CYP19A1: variants seen among roughly 807,000 people sequenced by gnomAD.
CYP19A1 encodes aromatase.
A neutral mutation model predicts 44.4 loss-of-function variants in CYP19A1; 32 were observed. The ratio of observed to expected loss-of-function variants is 0.72; its 90% CI spans 0.54 to 0.97. The LOEUF is 0.97. CYP19A1 is among the 50% of genes least tolerant of loss of function. The probability of loss-of-function intolerance (pLI) is 0.00; values close to 1 mark genes in which losing one functional copy is unlikely to be tolerated. For missense variants in CYP19A1, 598 were observed against 637.8 expected, an observed-to-expected ratio of 0.94 and a Z score of 0.67; for synonymous variants, 212 against 215.6, an observed-to-expected ratio of 0.98 and a Z score of 0.14.
rs138216497 is a variant in CYP19A1 at position 51,237,308 on chromosome 15, C to A, written c.146-299G>T. On this transcript the variant is annotated intron_variant, in intron 2 of 9. Coordinates refer to ENST00000396402, the MANE Select transcript of CYP19A1 (RefSeq NM_000103.4). ...TGGGGTGTGTGTGCTAATTTCTTCC[C>A]AGGTTAACTGGTATCAGTGAGTTTC... 5.3e-5 allele frequency among the ~76,000 whole-genome samples: 8 copies of A among 152,264 alleles called. No homozygotes were observed. The East Asian group carries it at 1.5e-3, about 29-fold the overall frequency.
At chr15:51,258,200 G>T (rs762652572) in intron 1 of CYP19A1, among the ~76,000 whole-genome samples, 43 of 152,088 alleles carry the variant, frequency 2.8e-4, no homozygotes, top group Admixed American at 2.0e-3. Flanking sequence ...CTACCTACTT[G>T]CAAAGGACCG....
chr15:51,301,453 T>C (rs560886398), intron 1 of CYP19A1, among the ~76,000 whole-genome samples: 1 of 152,348 alleles, frequency 6.6e-6, no homozygotes, highest in East Asian at 1.9e-4. Flanking sequence ...CCAAGGCTCC[T>C]TCTGCCAAGG....
rs151002608 is a variant in CYP19A1 at position 51,291,140 on chromosome 15, T to TA, written c.-39+47354dup. Reference sequence around the variant, plus strand: ...GGCAGATCATTAAAAACCTTGAAAGTAAAGGTATGGAACTGAGAGTGGGGG... The same window carrying TA: ...GGCAGATCATTAAAAACCTTGAAAGTAAAAGGTATGGAACTGAGAGTGGGGG... On this transcript the variant is annotated intron_variant, in intron 1 of 9. Transcript: ENST00000396402. Among the ~76,000 whole-genome samples, 658 of 152,118 alleles carry TA rather than the reference T, an allele frequency of 4.3e-3. 2 individuals carry two copies. The highest frequency in any genetic ancestry group is 0.015 in the African/African-American group (633 of 41,498).
intron 1 of CYP19A1, among the ~76,000 whole-genome samples, chr15:51,246,466 G>A (rs1447030009): frequency 6.6e-6 from 1 of 152,212 alleles, no homozygotes; most frequent in Non-Finnish European, 1.5e-5. Context: ...CACTAGGCCT[G>A]TGTGCCTGTG....
rs2036381537 is a variant in CYP19A1, at chr15:51,314,400, T to C, written c.-39+24095A>G. Among the ~76,000 whole-genome samples the C allele has an allele frequency of 3.3e-5, 5 of 152,156 alleles. No homozygotes were observed. In the South Asian group the frequency reaches 1.0e-3, roughly 32 times the overall value. On this transcript the variant is annotated intron_variant, in intron 1 of 9. Transcript: ENST00000396402. ...GTGGAGTCTCAGGCATGTTGGGCTT[T>C]TAGTGGTCCACAGACCCCCTGAGGT...
At chr15:51,234,136 G>A (rs2033227003) in intron 3 of CYP19A1, among the ~76,000 whole-genome samples, 1 of 152,178 alleles carries the variant, frequency 6.6e-6, no homozygotes, top group African/African-American at 2.4e-5. Context: ...GAGGTCCAAT[G>A]GGGTCTTTTC....
At chr15:51,231,388 C>G (rs1201849028) in intron 3 of CYP19A1, among the ~76,000 whole-genome samples, 1 of 152,064 alleles carries the variant, frequency 6.6e-6, no homozygotes, top group African/African-American at 2.4e-5. Flanking sequence ...AGGGGGACGG[C>G]TCTTTCAATT....
chr15:51,277,451 C>T (rs1028387412), intron 1 of CYP19A1: 1 of 152,130 alleles, frequency 6.6e-6, no homozygotes, highest in Non-Finnish European at 1.5e-5. Flanking sequence ...TGGAACGAAT[C>T]TTTTCTTACG....
intron 1 of CYP19A1, among the ~76,000 whole-genome samples, chr15:51,247,646 A>G (rs11633715): frequency 0.38 from 57,627 of 151,760 alleles, 12,666 homozygotes; most frequent in Non-Finnish European, 0.5. Context: ...TAATTTTTGT[A>G]TTTTTAGTAG....
intron 1 of CYP19A1, chr15:51,278,242 C>T (rs1488957161): frequency 7.2e-5 from 11 of 152,074 alleles, no homozygotes; most frequent in Non-Finnish European, 1.5e-4. Context: ...TTTCAGCTCG[C>T]CCCCTGAATG....
intron 1 of CYP19A1, chr15:51,320,088 C>A (rs866690604): frequency 1.4e-4 from 22 of 152,268 alleles, no homozygotes; most frequent in African/African-American, 4.3e-4. Flanking sequence ...AATGAGTAGA[C>A]CTTTGAGGAT....
chr15:51,322,526 G>A (rs1171991922), intron 1 of CYP19A1, among the ~76,000 whole-genome samples: 1 of 152,138 alleles, frequency 6.6e-6, no homozygotes, highest in African/African-American at 2.4e-5. Context: ...GATAATAAAA[G>A]CAAACTAGAA....
intron 1 of CYP19A1, among the ~76,000 whole-genome samples, chr15:51,308,892 C>T (rs771618848): frequency 2.6e-4 from 40 of 152,196 alleles, no homozygotes; most frequent in Middle Eastern, 3.2e-3. Flanking sequence ...TGCTGACACA[C>T]GGCACCTACT....
At chr15:51,222,024 A>G in intron 5 of CYP19A1, 1 of 502,240 alleles carries the variant, frequency 2.0e-6, no homozygotes, top group Non-Finnish European at 3.5e-6. Flanking sequence ...GGTTAAATAT[A>G]TAAAGTTGAT....
At chr15:51,304,374 C>T (rs2036173124) in intron 1 of CYP19A1, among the ~76,000 whole-genome samples, 1 of 152,146 alleles carries the variant, frequency 6.6e-6, no homozygotes, top group Admixed American at 6.5e-5. Flanking sequence ...CAAATTAAGT[C>T]CTCTTTACAT....
chr15:51,277,056 GAAAT>G (rs950790379), intron 1 of CYP19A1: 5 of 152,066 alleles, frequency 3.3e-5, no homozygotes, highest in African/African-American at 7.2e-5. Flanking sequence ...AAAGAAAAAA[GAAAT>G]AAAGAAAGAA....
At chr15:51,272,087 C>T (rs2035146798) in intron 1 of CYP19A1, among the ~76,000 whole-genome samples, 2 of 152,210 alleles carry the variant, frequency 1.3e-5, no homozygotes, top group African/African-American at 4.8e-5. Context: ...TTTGCACAAC[C>T]CAGCACTCTC....
Position 51,214,934 on chromosome 15 carries a change from G to A in CYP19A1, c.1021+136C>T. The A allele has an allele frequency of 3.7e-6, 5 of 1,369,768 alleles. No homozygotes were observed. The South Asian group carries it at 7.3e-5, about 20-fold the overall frequency. 84.9% of individuals were successfully genotyped at this position (1,369,768 alleles called of 1,614,324 possible). On this transcript the variant is annotated intron_variant, in intron 8 of 9. Coordinates refer to ENST00000396402, the MANE Select transcript of CYP19A1 (RefSeq NM_000103.4). ...CCGTCTATCTGGTGTAATCAAATGT[G>A]ACAGAATGTCTTGCTTTATTGTTTG...
intron 1 of CYP19A1, among the ~76,000 whole-genome samples, chr15:51,258,886 C>A (rs1043578386): frequency 1.3e-5 from 2 of 152,002 alleles, no homozygotes; most frequent in African/African-American, 4.8e-5. Context: ...CCAGCAATAC[C>A]CAAGGAACCA....
Sources: allele counts gnomAD v4.1 joint callset (sites outside exome capture counted in the v4.1 genomes callset), GRCh38; gene constraint gnomAD v4.1.1; transcripts MANE v1.5; gene names NCBI Gene and HGNC (gene_info 2026-07-23, HGNC 2026-07-21).